Variants in ZNF282 observed in about 807,000 individuals in gnomAD.
The protein encoded by ZNF282 is zinc finger protein 282.
Under a neutral mutation model 61.9 loss-of-function variants are expected in ZNF282, and 30 were observed. The observed-to-expected ratio is 0.48, with a 90% CI of 0.36 to 0.66. The LOEUF (loss-of-function observed/expected upper bound fraction) is 0.66, where lower values mean the gene tolerates loss of function less well. ZNF282 is among the 30% of genes least tolerant of loss of function. The pLI, the probability that ZNF282 is intolerant of heterozygous loss-of-function variation, is 0.00. For synonymous variants in ZNF282, 396 were observed against 405.0 expected (o/e 0.98, Z 0.27); for missense variants, 788 against 941.4 (o/e 0.84, Z 2.13).
Position 149,224,553 on chromosome 7 carries a change from A to G in ZNF282, c.1922A>G (p.Tyr641Cys), listed in dbSNP as rs1234901669. ...GGCGAGTGCGGCAAGAGCTTCCGCT[A>G]CAAGGAGTCGCTCAAGGACCACCTG... ...TCGECGKSFR[Y>C]KESLKDHLRV... The change falls in exon 8 of 8, where the codon TAC becomes TGC. Residue 641 changes from tyrosine to cysteine, a missense_variant. Tyr to Cys is a radical substitution (Grantham distance 194, BLOSUM62 -2). Transcript: ENST00000610704. 1.2e-6 allele frequency: 2 copies of G among 1,608,324 alleles called. No individual in the cohort carries two copies. The highest frequency in any genetic ancestry group is 4.5e-5 in the East Asian group (2 of 44,846).
chr7:149,203,981 G>C (rs1795954097), intron 2 of ZNF282, among the ~76,000 whole-genome samples: 1 of 152,182 alleles, frequency 6.6e-6, no homozygotes, highest in South Asian at 2.1e-4. Flanking sequence ...CTGTGGGTCA[G>C]GAACTGGGGA....
intron 4 of ZNF282, among the ~76,000 whole-genome samples, chr7:149,208,564 T>TC (rs1796033267): frequency 6.6e-6 from 1 of 152,090 alleles, no homozygotes; most frequent in South Asian, 2.1e-4. Flanking sequence ...AATGCAGCTC[T>TC]CAAGGCCACA....
At chr7:149,210,774 GC>G in intron 5 of ZNF282, 70 bp downstream of exon 5, 1 of 1,461,584 alleles carries the variant, frequency 6.8e-7, no homozygotes. Context: ...TGGTCTGCCA[GC>G]CCCCAGAGTT....
At chr7:149,199,103 G>C (rs1354905304) in intron 2 of ZNF282, among the ~76,000 whole-genome samples, 1 of 152,164 alleles carries the variant, frequency 6.6e-6, no homozygotes. Flanking sequence ...GGCTGTCTTG[G>C]TATATGCTCA....
rs1796320695 is a variant in ZNF282 at position 149,224,240 on chromosome 7, C to T, written c.1609C>T (p.His537Tyr). ...CGTGCGCAAGAGCCTCATCATCCACCACCGCAGCCACACCAAGGAGCGGCC... is the reference window on the plus strand; with the variant it reads ...CGTGCGCAAGAGCCTCATCATCCACTACCGCAGCCACACCAAGGAGCGGCC... Reference protein sequence around the residue: ...FGVRKSLIIHHRSHTKERPYE... With the variant: ...FGVRKSLIIHYRSHTKERPYE... Residue 537 changes from histidine (H) to tyrosine (Y), a missense_variant, in exon 8 of 8, where the codon CAC becomes TAC. Physicochemically the swap from His to Tyr is moderately conservative, Grantham distance 83. This residue lies in a region of ZNF282 where 559 missense variants were observed against 642.0 expected (regional missense o/e 0.87). Coordinates refer to ENST00000610704, the MANE Select transcript of ZNF282 (RefSeq NM_003575.4). The T allele has an allele frequency of 6.2e-7, 1 of 1,612,066 alleles. No homozygotes were observed. Among genetic ancestry groups the T allele is most frequent in the Non-Finnish European group, 8.5e-7 (1 of 1,179,882 alleles).
intron 2 of ZNF282, 63 bp from the exon 3 acceptor site, chr7:149,206,633 G>T (rs1180748508): frequency 1.9e-6 from 3 of 1,607,892 alleles, no homozygotes; most frequent in East Asian, 2.2e-5. Flanking sequence ...TGGCCCGCAG[G>T]AGAAGGGGAG....
intron 2 of ZNF282, among the ~76,000 whole-genome samples, chr7:149,202,658 C>T (rs988454499): frequency 4.0e-5 from 6 of 151,658 alleles, no homozygotes; most frequent in Non-Finnish European, 5.9e-5. Context: ...ACCATGTTGT[C>T]CAGGCTGGTC....
chr7:149,212,761 T>C (rs1796108144), intron 6 of ZNF282, among the ~76,000 whole-genome samples: 1 of 152,120 alleles, frequency 6.6e-6, no homozygotes, highest in Non-Finnish European at 1.5e-5. Context: ...TTTGTATTTT[T>C]AGTAGAGATG....
At chr7:149,204,145 T>A (rs1795957057) in intron 2 of ZNF282, among the ~76,000 whole-genome samples, 2 of 151,946 alleles carry the variant, frequency 1.3e-5, no homozygotes, top group African/African-American at 2.4e-5. Context: ...CACGTGGTCT[T>A]GGGGGAGGAA....
intron 3 of ZNF282, among the ~76,000 whole-genome samples, chr7:149,207,101 A>G (rs1184634085): frequency 6.6e-6 from 1 of 152,168 alleles, no homozygotes; most frequent in Non-Finnish European, 1.5e-5. Flanking sequence ...ACCACGCACC[A>G]CATCCCAGCA....
intron 2 of ZNF282, among the ~76,000 whole-genome samples, chr7:149,202,126 A>G (rs561889255): frequency 5.3e-5 from 8 of 150,696 alleles, no homozygotes; most frequent in African/African-American, 2.0e-4. Flanking sequence ...TGCCATTGAC[A>G]TCTTAAATAT....
chr7:149,195,937 C>T (rs1238817489), intron 1 of ZNF282, among the ~76,000 whole-genome samples, 183 bp downstream of exon 1: 1 of 148,726 alleles, frequency 6.7e-6, no homozygotes, highest in East Asian at 1.9e-4. Context: ...CGGAGCGGGC[C>T]CGACGCAGGC....
At chr7:149,217,712 C>T (rs1399861445) in intron 7 of ZNF282, among the ~76,000 whole-genome samples, 1 of 152,052 alleles carries the variant, frequency 6.6e-6, no homozygotes, top group Admixed American at 6.6e-5. Context: ...GGACATGAGG[C>T]AGAGCAAAGA....
chr7:149,208,005 C>T (rs1796025375), intron 4 of ZNF282, among the ~76,000 whole-genome samples: 2 of 152,186 alleles, frequency 1.3e-5, no homozygotes, highest in Admixed American at 1.3e-4. Flanking sequence ...ACTTGATGAG[C>T]TCTTGCTGGG....
At chr7:149,203,692 A>G (rs1194951633) in intron 2 of ZNF282, among the ~76,000 whole-genome samples, 1 of 152,106 alleles carries the variant, frequency 6.6e-6, no homozygotes, top group Non-Finnish European at 1.5e-5. Context: ...GGTCAAATGT[A>G]TTTTTTGTTG....
chr7:149,213,212 A>G (rs1796112779), intron 6 of ZNF282, among the ~76,000 whole-genome samples: 2 of 152,188 alleles, frequency 1.3e-5, no homozygotes. Flanking sequence ...GATTCCTTGT[A>G]CTTTGTCAAC....
chr7:149,207,206 T>A, intron 3 of ZNF282, 145 bp from the exon 4 acceptor site: 6 of 1,096,870 alleles, frequency 5.5e-6, no homozygotes, highest in Non-Finnish European at 7.7e-6. Context: ...GTTTTCAGAT[T>A]ACCCGCCTAA....
chr7:149,202,700 C>T (rs533396129), intron 2 of ZNF282, among the ~76,000 whole-genome samples: 2 of 152,306 alleles, frequency 1.3e-5, no homozygotes, highest in Non-Finnish European at 2.9e-5. Flanking sequence ...ATCCATCCGC[C>T]TCAGCCTCCC....
In ZNF282 at chr7:149,224,877, G is replaced by A; in HGVS notation, c.*230G>A. 1 of 745,634 alleles carries A rather than the reference G, an allele frequency of 1.3e-6. No individual in the cohort carries two copies. Among genetic ancestry groups the A allele is most frequent in the Non-Finnish European group, 2.1e-6 (1 of 487,494 alleles). The allele number at this position is 745,634 out of a possible 1,614,324, so 46.2% of individuals were successfully genotyped here. ...GCTGGGGAAGAGCCAGGGGGACCGC[G>A]AGGAGCCGAGCGTCCTCGGGCACCG... On this transcript the variant is annotated 3_prime_UTR_variant, in exon 8 of 8. Transcript: ENST00000610704.
Sources: allele counts gnomAD v4.1 joint callset (sites outside exome capture counted in the v4.1 genomes callset), GRCh38; gene constraint gnomAD v4.1.1; regional missense constraint gnomAD v4.1.1; transcripts MANE v1.5; gene names NCBI Gene and HGNC (gene_info 2026-07-23, HGNC 2026-07-21).